Variants in ACTR8 observed in about 807,000 individuals in gnomAD.
The protein encoded by ACTR8 is actin related protein 8, also known as actin-related protein 8.
ACTR8 carries 70 observed loss-of-function variants against 84.3 expected under a neutral mutation model. That is an observed-to-expected ratio of 0.83 (90% CI 0.68 to 1.01). The LOEUF (loss-of-function observed/expected upper bound fraction) is 1.01. Among genes scored for constraint, ACTR8 ranks in the 50% least tolerant of loss-of-function variants. The pLI, the probability that ACTR8 is intolerant of heterozygous loss-of-function variation, is 0.00. For missense variants in ACTR8, 672 were observed against 775.4 expected, an observed-to-expected ratio of 0.87 and a Z score of 1.58; for synonymous variants, 268 against 275.2, an observed-to-expected ratio of 0.97 and a Z score of 0.26.
Position 53,877,807 on chromosome 3 carries a change from T to A in ACTR8, c.406-56A>T, listed in dbSNP as rs189856753. On this transcript the variant is annotated intron_variant, in intron 3 of 12. Transcript: ENST00000335754. ...CAATTTATTCAAGGCGGGGGCAACA[T>A]AAGGGTCTCCTTTTCTTCTCTCTCA... is the stretch of plus-strand genomic sequence containing the variant. 3.4e-6 allele frequency: 5 copies of A among 1,459,602 alleles called. No individual in the cohort carries two copies. The Admixed American group carries it at 8.9e-5, about 26-fold the overall frequency. The allele number at this position is 1,459,602 out of a possible 1,614,324, so 90.4% of individuals were successfully genotyped here.
rs773426171 is a variant in ACTR8 at position 53,876,633 on chromosome 3, C to G, written c.765G>C (p.Lys255Asn). 1 of 1,570,836 alleles carries G rather than the reference C, an allele frequency of 6.4e-7. No individual in the cohort carries two copies. The highest frequency in any genetic ancestry group is 2.3e-5 in the East Asian group (1 of 44,290). The change falls in exon 6 of 13, where the codon AAG (lysine) becomes AAC (asparagine). Residue 255 changes from lysine (K) to asparagine (N), a missense_variant. Physicochemically the swap from Lys to Asn is moderately conservative, Grantham distance 94 (BLOSUM62 0). Transcript: ENST00000335754. Reference sequence around the variant, plus strand: ...TATCAGACATACCTGAAAAACCCATCTTCATTAGTATCATATTCACTAGTT... The same window carrying G: ...TATCAGACATACCTGAAAAACCCATGTTCATTAGTATCATATTCACTAGTT... ...VKELVNMILMKMGFSGIVVHQ... is the reference protein window; with the variant it reads ...VKELVNMILMNMGFSGIVVHQ...
chr3:53,871,132 T>C (rs757458829), intron 11 of ACTR8, 100 bp downstream of exon 11: 31 of 1,463,282 alleles, frequency 2.1e-5, no homozygotes, highest in Non-Finnish European at 2.6e-5. Context: ...CACTTTTCAA[T>C]GAATATGTTA....
chr3:53,881,026 G>C (rs1700050170), intron 1 of ACTR8, among the ~76,000 whole-genome samples: 1 of 152,204 alleles, frequency 6.6e-6, no homozygotes, highest in African/African-American at 2.4e-5. Context: ...GAATCCTAGA[G>C]GGAAGGATCT....
At chr3:53,864,950 C>T, downstream of ACTR8, 1 of 1,614,154 alleles carries the variant, frequency 6.2e-7, no homozygotes, top group Non-Finnish European at 8.5e-7. Flanking sequence ...TGGCTTGCCA[C>T]TCAAAAGAAG....
chr3:53,862,835 A>G (rs1458041426), downstream of ACTR8, among the ~76,000 whole-genome samples: 1 of 152,244 alleles, frequency 6.6e-6, no homozygotes, highest in African/African-American at 2.4e-5. Context: ...GGTACCATAT[A>G]CAAATATTTT....
rs948330165 is a variant in ACTR8, at chr3:53,877,654, C to G, written c.503G>C (p.Gly168Ala). 3 of 1,612,828 alleles carry G rather than the reference C, an allele frequency of 1.9e-6. No homozygotes were observed. Among genetic ancestry groups the G allele is most frequent in the Non-Finnish European group, 1.7e-6 (2 of 1,179,220 alleles). The change falls in exon 4 of 13, where the codon GGA (glycine) becomes GCA (alanine). Residue 168 changes from glycine to alanine, a missense_variant. By Grantham distance (60) the Gly-to-Ala change is moderately conservative. Coordinates refer to ENST00000335754, the MANE Select transcript of ACTR8 (RefSeq NM_022899.5). ...TGTAAAGAAGTTTCTTACCTCTTCT[C>G]CTACTAAATACTCAGGGTGATGAGA... ...NTSHHPEYLVGEEALYVNPLD... is the reference protein window; with the variant it reads ...NTSHHPEYLVAEEALYVNPLD...
chr3:53,878,324 G>A (rs1360982342), intron 3 of ACTR8, 33 bp downstream of exon 3: 1 of 1,411,252 alleles, frequency 7.1e-7, no homozygotes, highest in South Asian at 1.2e-5. Context: ...CAATAGTGGT[G>A]ATAAAAGAAT....
chr3:53,878,194 T>C (rs1316569060), intron 3 of ACTR8, among the ~76,000 whole-genome samples, 163 bp downstream of exon 3: 1 of 152,240 alleles, frequency 6.6e-6, no homozygotes, highest in East Asian at 1.9e-4. Flanking sequence ...GCCTAAGCAT[T>C]TGTAACACTG....
Position 53,872,260 on chromosome 3 carries a change from T to C in ACTR8, c.1302+124A>G, listed in dbSNP as rs142435798. The C allele has an allele frequency of 9.1e-4, 1,020 of 1,121,016 alleles. 10 individuals are homozygous for C. The African/African-American group carries it at 0.015, about 16-fold the overall frequency. 69.4% of individuals were successfully genotyped at this position (1,121,016 alleles called of 1,614,324 possible). ...ACTCAGACTTCAGTTCATCTACAAT[T>C]CTAAAAGCTATATCAGTGTTATTAT... On this transcript the variant is annotated intron_variant, in intron 10 of 12. Transcript: ENST00000335754.
At position 53,874,369 on chromosome 3, in the gene ACTR8, A is replaced by G. The variant is rs1459442554; in HGVS notation, c.912-5T>C. The G allele has an allele frequency of 1.2e-6, 2 of 1,611,480 alleles. No individual in the cohort carries two copies. The highest frequency in any genetic ancestry group is 3.4e-5 in the Admixed American group (2 of 59,326). Reference sequence around the variant, plus strand: ...CCTCCGTATGCCAGACAAAGCCTAAAGTTAAGAGAAAAGGGTAGATGGTTA... The same window carrying G: ...CCTCCGTATGCCAGACAAAGCCTAAGGTTAAGAGAAAAGGGTAGATGGTTA... On this transcript the variant is annotated splice_region_variant and splice_polypyrimidine_tract_variant and intron_variant, in intron 7 of 12. Transcript: ENST00000335754.
Position 53,871,343 on chromosome 3 carries a change from C to G in ACTR8, c.1456G>C (p.Asp486His), listed in dbSNP as rs376181693. Residue 486 changes from aspartate to histidine, a missense_variant, in exon 11 of 13, where the codon GAT becomes CAT. Asp to His is a moderately conservative substitution (Grantham distance 81). Coordinates refer to ENST00000335754, the MANE Select transcript of ACTR8 (RefSeq NM_022899.5). ...AQGDGLMAGN[D>H]SEEALTALMS... Reference sequence around the variant, plus strand: ...AGTGCAGTGAGGGCCTCCTCGGAATCGTTGCCGGCCATCAGGCCATCTCCC... The same window carrying G: ...AGTGCAGTGAGGGCCTCCTCGGAATGGTTGCCGGCCATCAGGCCATCTCCC... 13 of 1,614,122 alleles carry G rather than the reference C, an allele frequency of 8.1e-6. No individual in the cohort carries two copies. In the African/African-American group the frequency reaches 1.3e-4, roughly 17 times the overall value.
chr3:53,864,535 CAA>C (rs1043498703), downstream of ACTR8, among the ~76,000 whole-genome samples: 1 of 139,726 alleles, frequency 7.2e-6, no homozygotes, highest in East Asian at 2.0e-4. Flanking sequence ...ACTATGTCTC[CAA>C]AAAAAAAAAA....
Position 53,868,787 on chromosome 3 carries a change from T to A in ACTR8, c.1807A>T (p.Ile603Phe). The change falls in exon 13 of 13, where the codon ATT becomes TTT. Residue 603 changes from isoleucine to phenylalanine, a missense_variant. Physicochemically the swap from Ile to Phe is conservative, Grantham distance 21. Coordinates refer to ENST00000335754, the MANE Select transcript of ACTR8 (RefSeq NM_022899.5). ...AAGCGCTGCCACTCTCGCTGATAAA[T>A]CCACAGTTCCTGTGTTGTATCCAAA... ...ACLDTTQELW[I>F]YQREWQRFGV... 1 of 1,614,226 alleles carries A rather than the reference T, an allele frequency of 6.2e-7. No homozygotes were observed. The highest frequency in any genetic ancestry group is 8.5e-7 in the Non-Finnish European group (1 of 1,180,040).
At chr3:53,866,393 G>GA (rs1430896343), downstream of ACTR8, among the ~76,000 whole-genome samples, 1 of 151,900 alleles carries the variant, frequency 6.6e-6, no homozygotes, top group African/African-American at 2.4e-5. Context: ...ACAAACAAAC[G>GA]AAAAAACCCC....
At position 53,867,593 on chromosome 3, in the gene ACTR8, C is replaced by A. The variant is rs2107043220; in HGVS notation, c.*1126G>T. On this transcript the variant is annotated 3_prime_UTR_variant, in exon 13 of 13. Coordinates refer to ENST00000335754, the MANE Select transcript of ACTR8 (RefSeq NM_022899.5). ...GCTTTTGTCCTTCCCCAGTCTCACC[C>A]CCATCTCTAGCCATGGTAAGTGAGA... 6.6e-6 allele frequency: 1 copy of A among 152,332 alleles called. No individual in the cohort carries two copies. Among genetic ancestry groups the A allele is most frequent in the African/African-American group, 2.4e-5 (1 of 41,544 alleles). The allele number at this position is 152,332 out of a possible 1,614,324, so 9.4% of individuals were successfully genotyped here. A position where few individuals can be genotyped will look rare whatever the true frequency, so the allele number is the denominator to read the frequency against.
In ACTR8 at chr3:53,876,055, C is replaced by A. The variant is rs769069665; in HGVS notation, c.804G>T (p.Val268=). Residue 268 remains valine, a synonymous_variant, in exon 7 of 13, where the codon GTG becomes GTT. Transcript: ENST00000335754. The part of the protein sequence containing the change: ...FSGIVVHQES[V]CATYGSGLSS... ...TTAAGCCACTTCCATAGGTGGCACA[C>A]ACAGACTCCTGATGGACCACAATCC... 6.2e-7 allele frequency: 1 copy of A among 1,611,708 alleles called. No homozygotes were observed. Among genetic ancestry groups the A allele is most frequent in the African/African-American group, 1.4e-5 (1 of 73,836 alleles).
At position 53,868,732 on chromosome 3, in the gene ACTR8, G is replaced by A. The variant is rs746587919; in HGVS notation, c.1862C>T (p.Ala621Val). 8.7e-6 allele frequency: 14 copies of A among 1,613,828 alleles called. No homozygotes were observed. Among genetic ancestry groups the A allele is most frequent in the Admixed American group, 3.3e-5 (2 of 59,978 alleles). The change falls in exon 13 of 13, where the codon GCG becomes GTG. Residue 621 changes from alanine (A) to valine (V), a missense_variant. Ala to Val is a moderately conservative substitution (Grantham distance 64). Coordinates refer to ENST00000335754, the MANE Select transcript of ACTR8 (RefSeq NM_022899.5). ...TTTCCTCCCCATTCACCACACAAAC[G>A]CAGCCCGCTCTCGTAACATGCGGAC... ...FGVRMLRERA[A>V]FVW
intron 7 of ACTR8, among the ~76,000 whole-genome samples, chr3:53,875,573 G>A (rs1375850762): frequency 6.6e-6 from 1 of 152,198 alleles, no homozygotes; most frequent in Non-Finnish European, 1.5e-5. Context: ...TGAAAAGGTC[G>A]ATTTTCTCCT....
At chr3:53,872,982 A>T (rs1397408841) in intron 9 of ACTR8, 50 bp downstream of exon 9, 1 of 1,392,016 alleles carries the variant, frequency 7.2e-7, no homozygotes, top group Non-Finnish European at 1.0e-6. Flanking sequence ...AGTTTGATTG[A>T]ACCTGGATAA....
Sources: gnomAD v4.1 joint callset for allele counts (sites outside exome capture counted in the v4.1 genomes callset) on GRCh38, gnomAD v4.1.1 for gene constraint, MANE v1.5 for transcripts, NCBI Gene and HGNC (gene_info 2026-07-23, HGNC 2026-07-21) for gene names.